PSMD1: variants seen among roughly 807,000 people sequenced by gnomAD.
The protein encoded by PSMD1 is proteasome 26S subunit, non-ATPase 1, also known as 26S proteasome non-ATPase regulatory subunit 1.
Under a neutral mutation model 119.0 loss-of-function variants are expected in PSMD1, and 18 were observed. The ratio of observed to expected loss-of-function variants is 0.15; its 90% CI spans 0.10 to 0.22. The LOEUF (loss-of-function observed/expected upper bound fraction) is 0.22, where lower values mean the gene tolerates loss of function less well. Ranked by LOEUF, PSMD1 falls within the 10% of genes least tolerant of loss-of-function variation. PSMD1 has a pLI of 1.00. For synonymous variants in PSMD1, 374 were observed against 396.6 expected (o/e 0.94, Z 0.68); for missense variants, 702 against 1,158.5 (o/e 0.61, Z 5.72).
intron 16 of PSMD1, chr2:231,109,016 A>T: frequency 6.2e-7 from 1 of 1,614,250 alleles, no homozygotes; most frequent in Non-Finnish European, 8.5e-7. Context: ...TTCGTTGGAA[A>T]TGGTCTGCAC....
intron 19 of PSMD1, among the ~76,000 whole-genome samples, chr2:231,155,656 T>C (rs1696468864): frequency 6.6e-6 from 1 of 151,984 alleles, no homozygotes; most frequent in Non-Finnish European, 1.5e-5. Flanking sequence ...TTTATAACTT[T>C]GGTGTTCTTT....
intron 20 of PSMD1, among the ~76,000 whole-genome samples, chr2:231,162,715 T>C (rs1696669492): frequency 6.6e-6 from 1 of 151,790 alleles, no homozygotes; most frequent in Admixed American, 6.6e-5. Flanking sequence ...TAGTCCCAGC[T>C]GCTTGGGAGG....
At chr2:231,108,418 T>C (rs1695028372) in intron 16 of PSMD1, 1 of 830,044 alleles carries the variant, frequency 1.2e-6, no homozygotes, top group African/African-American at 1.7e-5. Flanking sequence ...GATGATTTGA[T>C]ATATGACATA....
At chr2:231,077,775 C>G (rs1030679129) in intron 9 of PSMD1, among the ~76,000 whole-genome samples, 1 of 152,068 alleles carries the variant, frequency 6.6e-6, no homozygotes, top group African/African-American at 2.4e-5. Context: ...TCTTATTTAT[C>G]CAGTACCCCT....
chr2:231,141,599 A>G (rs79984593), intron 17 of PSMD1, among the ~76,000 whole-genome samples: 2 of 148,796 alleles, frequency 1.3e-5, no homozygotes, highest in African/African-American at 4.9e-5. Flanking sequence ...TTTTTTTTTT[A>G]ATAGAGACTA....
intron 5 of PSMD1, among the ~76,000 whole-genome samples, chr2:231,069,540 G>T (rs1693991492): frequency 6.6e-6 from 1 of 152,130 alleles, no homozygotes; most frequent in South Asian, 2.1e-4. Context: ...TTTCTTGTAG[G>T]GAGAGCACCA....
At position 231,146,288 on chromosome 2, in the gene PSMD1, G is replaced by A. The variant is rs769176369; in HGVS notation, c.2047G>A (p.Val683Met). ...EPMTNDPVNY[V>M]RQGALIASAL... The stretch of plus-strand genomic sequence containing the variant: ...AATGACAAACGACCCCGTGAACTAC[G>A]TGAGGCAAGGGGCACTCATAGCTTC... Residue 683 changes from valine to methionine, a missense_variant, in exon 18 of 25, where the codon GTG becomes ATG. By Grantham distance (21) the Val-to-Met change is conservative. Transcript: ENST00000308696. 3.1e-6 allele frequency: 5 copies of A among 1,613,672 alleles called. No homozygotes were observed. Among genetic ancestry groups the A allele is most frequent in the Admixed American group, 1.7e-5 (1 of 59,980 alleles).
intron 16 of PSMD1, chr2:231,108,454 G>A: frequency 8.5e-7 from 1 of 1,177,198 alleles, no homozygotes; most frequent in Non-Finnish European, 1.3e-6. Flanking sequence ...TATATTCTTG[G>A]CACATTTACA....
At chr2:231,167,856 A>G (rs143414440) in intron 23 of PSMD1, among the ~76,000 whole-genome samples, 179 of 152,374 alleles carry the variant, frequency 1.2e-3, no homozygotes, top group African/African-American at 4.1e-3. Flanking sequence ...TCTCCAAAGA[A>G]GATGTACAGA....
intron 21 of PSMD1, among the ~76,000 whole-genome samples, chr2:231,164,288 C>T (rs953976129): frequency 3.9e-5 from 6 of 152,128 alleles, no homozygotes; most frequent in African/African-American, 1.4e-4. Context: ...AAAAGTAATG[C>T]ACATTATGTT....
intron 4 of PSMD1, among the ~76,000 whole-genome samples, chr2:231,066,428 A>G (rs985424446): frequency 2.0e-5 from 3 of 152,234 alleles, no homozygotes; most frequent in Admixed American, 6.5e-5. Context: ...GTAATGGCAA[A>G]TGTTTGTTTT....
At chr2:231,138,437 A>G (rs1232518872) in intron 16 of PSMD1, among the ~76,000 whole-genome samples, 1 of 152,174 alleles carries the variant, frequency 6.6e-6, no homozygotes, top group East Asian at 1.9e-4. Context: ...TACCCCCAAC[A>G]TGGCTGTTCC....
At position 231,072,497 on chromosome 2, in the gene PSMD1, C is replaced by T. The variant is rs563213259; in HGVS notation, c.881+82C>T. On this transcript the variant is annotated intron_variant, in intron 7 of 24. Coordinates refer to ENST00000308696, the MANE Select transcript of PSMD1 (RefSeq NM_002807.4). ...GGACAGGTAGAATATTTATAGGAAG[C>T]ATATTCTAAGAATAAATTTTGCCAC... 10 of 1,272,686 alleles carry T rather than the reference C, an allele frequency of 7.9e-6. No homozygotes were observed. The East Asian group carries it at 2.1e-4, about 27-fold the overall frequency. 78.8% of individuals were successfully genotyped at this position (1,272,686 alleles called of 1,614,324 possible).
Position 231,165,141 on chromosome 2 carries a change from G to A in PSMD1, c.2482-59G>A, listed in dbSNP as rs1390858808. 2.3e-6 allele frequency: 3 copies of A among 1,326,732 alleles called. No homozygotes were observed. In the South Asian group the frequency reaches 4.8e-5, roughly 21 times the overall value. The allele number at this position is 1,326,732 out of a possible 1,614,324, so 82.2% of individuals were successfully genotyped here. A position where few individuals can be genotyped will look rare whatever the true frequency, so the allele number is the denominator to read the frequency against. On this transcript the variant is annotated intron_variant, in intron 21 of 24. Transcript: ENST00000308696. ...GTGTTGTAGGACTGAGTTCTCTAGGGCTTGCATGTTTGTATGTCAGTAAGG... is the reference window on the plus strand; with the variant it reads ...GTGTTGTAGGACTGAGTTCTCTAGGACTTGCATGTTTGTATGTCAGTAAGG...
chr2:231,113,765 A>G lies in PSMD1; in HGVS notation c.1884-24971A>G, dbSNP rs77570025. ...AACCACACCACTGTAATCTTGATGA[A>G]TGCTGTAGCCCGTGAGTTATATTGA... On this transcript the variant is annotated intron_variant, in intron 16 of 24. Transcript: ENST00000308696. 1.2e-3 allele frequency: 1,897 copies of G among 1,614,128 alleles called. 24 individuals carry two copies. Among genetic ancestry groups the G allele is most frequent in the Non-Finnish European group, 9.1e-5 (107 of 1,179,984 alleles).
chr2:231,127,894 ACT>A (rs747770562), intron 16 of PSMD1, among the ~76,000 whole-genome samples: 1 of 152,154 alleles, frequency 6.6e-6, no homozygotes, highest in Non-Finnish European at 1.5e-5. Context: ...AGATAAAGTA[ACT>A]CTTACTAAAG....
intron 17 of PSMD1, among the ~76,000 whole-genome samples, chr2:231,144,283 C>T (rs1696200669): frequency 6.7e-6 from 1 of 150,342 alleles, no homozygotes; most frequent in Non-Finnish European, 1.5e-5. Context: ...CAGAGTTTCA[C>T]TCTTGTTGCC....
At chr2:231,125,115 T>C (rs1191071037) in intron 16 of PSMD1, 3 of 152,210 alleles carry the variant, frequency 2.0e-5, no homozygotes, top group African/African-American at 7.2e-5. Context: ...AAATACGTTG[T>C]ATAGCTGCAA....
At chr2:231,071,232 G>A (rs1694035068) in intron 6 of PSMD1, among the ~76,000 whole-genome samples, 1 of 151,526 alleles carries the variant, frequency 6.6e-6, no homozygotes, top group Admixed American at 6.6e-5. Flanking sequence ...TTATTCCTTA[G>A]AGGCAATTTT....
Sources: allele counts gnomAD v4.1 joint callset (sites outside exome capture counted in the v4.1 genomes callset), GRCh38; gene constraint gnomAD v4.1.1; transcripts MANE v1.5; gene names NCBI Gene and HGNC (gene_info 2026-07-23, HGNC 2026-07-21).